Variants in SERINC5 observed in about 807,000 individuals in gnomAD.
SERINC5 encodes serine incorporator 5, also known as chromosome 5 open reading frame 12.
SERINC5 carries 41 observed loss-of-function variants against 63.1 expected under a neutral mutation model. The ratio of observed to expected loss-of-function variants is 0.65; its 90% CI spans 0.51 to 0.84. The LOEUF (loss-of-function observed/expected upper bound fraction) is 0.84, where lower values mean the gene tolerates loss of function less well. Among genes scored for constraint, SERINC5 ranks in the 40% least tolerant of loss-of-function variants. SERINC5 has a pLI of 0.00. For synonymous variants in SERINC5, 222 were observed against 215.2 expected, an observed-to-expected ratio of 1.03 and a Z score of -0.28; for missense variants, 523 against 573.0, an observed-to-expected ratio of 0.91 and a Z score of 0.89.
chr5:80,254,379 G>A (rs776379277), intron 1 of SERINC5, among the ~76,000 whole-genome samples: 1 of 152,184 alleles, frequency 6.6e-6, no homozygotes, highest in Non-Finnish European at 1.5e-5. Flanking sequence ...GTCCTAAGAG[G>A]GGAGACTTTA....
intron 9 of SERINC5, among the ~76,000 whole-genome samples, chr5:80,149,243 C>T (rs919106299): frequency 6.6e-6 from 1 of 152,206 alleles, no homozygotes; most frequent in Admixed American, 6.5e-5. Context: ...ACCATGCAAC[C>T]TCAGCAGGTG....
chr5:80,134,104 A>C (rs2112262623), downstream of SERINC5, among the ~76,000 whole-genome samples: 1 of 152,288 alleles, frequency 6.6e-6, no homozygotes, highest in South Asian at 2.1e-4. Flanking sequence ...TCTTGTAGCT[A>C]ATTTGTTAGT....
At chr5:80,249,036 C>T (rs1386689740) in intron 1 of SERINC5, among the ~76,000 whole-genome samples, 2 of 152,144 alleles carry the variant, frequency 1.3e-5, no homozygotes, top group Admixed American at 6.5e-5. Flanking sequence ...ACCATCAGGC[C>T]GGGTACGGTG....
intron 2 of SERINC5, among the ~76,000 whole-genome samples, chr5:80,179,825 A>C (rs983546269): frequency 2.0e-5 from 3 of 152,256 alleles, no homozygotes; most frequent in African/African-American, 7.2e-5. Context: ...ACCAGTATCT[A>C]CATTTTTAAA....
At chr5:80,238,120 A>AG (rs1342410902) in intron 1 of SERINC5, among the ~76,000 whole-genome samples, 2 of 150,362 alleles carry the variant, frequency 1.3e-5, no homozygotes, top group African/African-American at 4.9e-5. Flanking sequence ...AAAAAAAAAA[A>AG]AAGAAAAGAA....
intron 1 of SERINC5, among the ~76,000 whole-genome samples, chr5:80,237,228 C>T (rs373376821): frequency 6.6e-6 from 1 of 152,194 alleles, no homozygotes; most frequent in East Asian, 1.9e-4. Flanking sequence ...CTGGTGAGTG[C>T]TATTGGCATC....
intron 2 of SERINC5, among the ~76,000 whole-genome samples, chr5:80,188,977 T>A (rs959653534): frequency 1.2e-4 from 19 of 152,202 alleles, no homozygotes; most frequent in African/African-American, 4.6e-4. Context: ...GACTCTAATT[T>A]AGTTTGTTAT....
rs889005297 is a variant in SERINC5, at chr5:80,143,588, G to A, written c.*75C>T. ...ACTCAGGCACAGGGCGCCAGTCCCT[G>A]CCCCGGGGACACTGTTCAAAAGATG... On this transcript the variant is annotated 3_prime_UTR_variant, in exon 12 of 12. Transcript: ENST00000507668. 8 of 1,485,248 alleles carry A rather than the reference G, an allele frequency of 5.4e-6. No individual in the cohort carries two copies. Among genetic ancestry groups the A allele is most frequent in the Middle Eastern group, 2.2e-4 (1 of 4,448 alleles). The allele number at this position is 1,485,248 out of a possible 1,614,324, so 92.0% of individuals were successfully genotyped here. A position where few individuals can be genotyped will look rare whatever the true frequency, so the allele number is the denominator to read the frequency against.
chr5:80,235,804 C>T (rs1751662189), intron 1 of SERINC5, among the ~76,000 whole-genome samples: 1 of 152,176 alleles, frequency 6.6e-6, no homozygotes. Context: ...AGCATTTTCT[C>T]ACATTTGTTG....
rs70982026 is a variant in SERINC5, at chr5:80,164,910, G to GTTTTTTTTTTTTTTTTTTTTT, written c.859+1452_859+1472dup. On this transcript the variant is annotated intron_variant, in intron 7 of 11. Transcript: ENST00000507668. ...TGAAATTTAAAATAACTTTTTTTCTGTTTTTTTTTTTTTTTTTTTTTTGTA... is the reference window on the plus strand; with the variant it reads ...TGAAATTTAAAATAACTTTTTTTCTGTTTTTTTTTTTTTTTTTTTTTTTTTTTTTTTTTTTTTTTTTTTGTA... Among the ~76,000 whole-genome samples the GTTTTTTTTTTTTTTTTTTTTT allele has an allele frequency of 1.4e-4, 12 of 85,190 alleles. 1 individual carries two copies. The highest frequency in any genetic ancestry group is 1.7e-4 in the Non-Finnish European group (8 of 47,940). The allele number at this position is 85,190 out of a possible 152,430, so 55.9% of individuals were successfully genotyped here.
At chr5:80,175,532 T>C (rs1234732597) in intron 4 of SERINC5, among the ~76,000 whole-genome samples, 1 of 152,154 alleles carries the variant, frequency 6.6e-6, no homozygotes. Flanking sequence ...CGCTATAACC[T>C]TGAATAAGTC....
intron 1 of SERINC5, among the ~76,000 whole-genome samples, chr5:80,239,942 T>G (rs1156592157): frequency 1.3e-5 from 2 of 152,116 alleles, no homozygotes; most frequent in African/African-American, 4.8e-5. Flanking sequence ...AGGAAGTCAG[T>G]GGGGCCAGCT....
At chr5:80,120,923 T>C (rs113195138) in intron 11 of SERINC5, among the ~76,000 whole-genome samples, 4,178 of 152,190 alleles carry the variant, frequency 0.027, 198 homozygotes, top group African/African-American at 0.094. Flanking sequence ...ATTTCGCTCT[T>C]GTTGTCCAGG....
At chr5:80,173,215 C>CAGGAAGGAAAGA (rs1180899079) in intron 5 of SERINC5, among the ~76,000 whole-genome samples, 1 of 128,368 alleles carries the variant, frequency 7.8e-6, no homozygotes, top group Admixed American at 8.6e-5. Flanking sequence ...AGAGGAAAGG[C>CAGGAAGGAAAGA]AGGAAGGAAA....
intron 2 of SERINC5, among the ~76,000 whole-genome samples, chr5:80,191,677 G>GA (rs1749199278): frequency 2.2e-5 from 2 of 91,572 alleles, no homozygotes; most frequent in Non-Finnish European, 4.5e-5. Context: ...AAAAAAAAAA[G>GA]AAAGAAAAAA....
chr5:80,143,843 G>A, intron 11 of SERINC5, 33 bp from the exon 12 acceptor site: 2 of 1,534,806 alleles, frequency 1.3e-6, no homozygotes, highest in Non-Finnish European at 1.7e-6. Flanking sequence ...CGCGGTCAAA[G>A]CAGGAATATA....
chr5:80,166,444 G>T lies in SERINC5; in HGVS notation c.798C>A (p.Val266=). 1 of 1,596,158 alleles carries T rather than the reference G, an allele frequency of 6.3e-7. No individual in the cohort carries two copies. Among genetic ancestry groups the T allele is most frequent in the South Asian group, 1.1e-5 (1 of 87,518 alleles). The change falls in exon 7 of 12, where the codon GTC becomes GTA. Residue 266 remains valine (V), a synonymous_variant. Coordinates refer to ENST00000507668, the MANE Select transcript of SERINC5 (RefSeq NM_001174072.3). ...QPHSGLLQSG[V]ISCYVTYLTF... ...TGAGGTAGGTGACATAGCAGCTTAT[G>T]ACCCCTGATTGTAAGAGCCCCGAGT...
At position 80,202,947 on chromosome 5, in the gene SERINC5, A is replaced by G; in HGVS notation, c.134T>C (p.Leu45Pro). 1 of 1,613,748 alleles carries G rather than the reference A, an allele frequency of 6.2e-7. No homozygotes were observed. Among genetic ancestry groups the G allele is most frequent in the South Asian group, 1.1e-5 (1 of 91,058 alleles). ...CATGATGCAGCAGAGGACGACGACCAGAATGAAGTAGAGGGCGTACATGAA... is the reference window on the plus strand; with the variant it reads ...CATGATGCAGCAGAGGACGACGACCGGAATGAAGTAGAGGGCGTACATGAA... ...TRFMYALYFI[L>P]VVVLCCIMMS... Residue 45 changes from leucine (L) to proline (P), a missense_variant, in exon 2 of 12, where the codon CTG (leucine) becomes CCG (proline). By Grantham distance (98) the Leu-to-Pro change is moderately conservative. Coordinates refer to ENST00000507668, the MANE Select transcript of SERINC5 (RefSeq NM_001174072.3).
At chr5:80,153,706 A>T (rs369694209) in intron 8 of SERINC5, among the ~76,000 whole-genome samples, 9 of 151,972 alleles carry the variant, frequency 5.9e-5, no homozygotes, top group Admixed American at 3.3e-4. Flanking sequence ...TATTGTACGG[A>T]GAATGCCTAA....
Sources: allele counts gnomAD v4.1 joint callset (sites outside exome capture counted in the v4.1 genomes callset), GRCh38; gene constraint gnomAD v4.1.1; transcripts MANE v1.5; gene names NCBI Gene and HGNC (gene_info 2026-07-23, HGNC 2026-07-21).